PBX3: variants seen among roughly 807,000 people sequenced by gnomAD.
The protein encoded by PBX3 is PBX homeobox 3, also known as pre-B-cell leukemia transcription factor 3.
Under a neutral mutation model 48.5 loss-of-function variants are expected in PBX3, and 14 were observed. The observed-to-expected ratio is 0.29, with a 90% confidence interval of 0.19 to 0.45. PBX3 has a LOEUF of 0.45. Ranked by LOEUF, PBX3 falls within the 20% of genes least tolerant of loss-of-function variation. The probability of loss-of-function intolerance (pLI) is 1.00; values close to 1 mark genes in which losing one functional copy is unlikely to be tolerated. For synonymous variants in PBX3, 210 were observed against 200.3 expected, an observed-to-expected ratio of 1.05 and a Z score of -0.41; for missense variants, 386 against 546.7, an observed-to-expected ratio of 0.71 and a Z score of 2.93.
chr9:125,931,052 G>T (rs927909915), intron 4 of PBX3, among the ~76,000 whole-genome samples: 1 of 152,066 alleles, frequency 6.6e-6, no homozygotes, highest in South Asian at 2.1e-4. Context: ...AAGGATGAAG[G>T]ATAAAAGTTA....
chr9:125,845,861 GAAAT>G (rs762639545), intron 2 of PBX3, among the ~76,000 whole-genome samples: 1 of 151,964 alleles, frequency 6.6e-6, no homozygotes. Flanking sequence ...GACAAATGTT[GAAAT>G]AAATAAATTT....
intron 2 of PBX3, among the ~76,000 whole-genome samples, chr9:125,866,650 A>T (rs1313844747): frequency 6.6e-6 from 1 of 152,190 alleles, no homozygotes; most frequent in African/African-American, 2.4e-5. Context: ...AGGTTTACAG[A>T]TTCATGGTTT....
intron 2 of PBX3, among the ~76,000 whole-genome samples, chr9:125,873,147 T>G (rs894519318): frequency 2.6e-5 from 4 of 152,050 alleles, no homozygotes; most frequent in Non-Finnish European, 5.9e-5. Context: ...ATTGCGCCAC[T>G]GCACTCCAGC....
chr9:125,836,098 T>G (rs1839125509), intron 2 of PBX3, among the ~76,000 whole-genome samples: 1 of 152,162 alleles, frequency 6.6e-6, no homozygotes, highest in African/African-American at 2.4e-5. Flanking sequence ...GTGAATTAAG[T>G]GAGGCACAGA....
intron 2 of PBX3, among the ~76,000 whole-genome samples, chr9:125,825,133 A>T (rs1838770793): frequency 6.6e-6 from 1 of 152,132 alleles, no homozygotes; most frequent in South Asian, 2.1e-4. Context: ...GAAATACAAT[A>T]ATTGGCTGGG....
At chr9:125,864,022 A>G (rs958854959) in intron 2 of PBX3, among the ~76,000 whole-genome samples, 6 of 152,338 alleles carry the variant, frequency 3.9e-5, no homozygotes, top group East Asian at 1.9e-4. Context: ...AGTGTGTTCC[A>G]TGGAACAATT....
chr9:125,880,518 A>G (rs1030752333), intron 2 of PBX3, among the ~76,000 whole-genome samples: 1 of 152,230 alleles, frequency 6.6e-6, no homozygotes, highest in Admixed American at 6.5e-5. Context: ...TGCAAATAGC[A>G]GTGTCTCCAG....
At chr9:125,821,359 C>G (rs1034467582) in intron 2 of PBX3, among the ~76,000 whole-genome samples, 9 of 152,076 alleles carry the variant, frequency 5.9e-5, no homozygotes, top group Middle Eastern at 3.4e-3. Flanking sequence ...GTATAAATTT[C>G]AATTACATTT....
rs150392420 is a variant in PBX3, at chr9:125,915,540, A to G, written c.275-146A>G. ...TTTTCATACTTATTCAAACTTACCG[A>G]TCAAATGTGAACAATGAAGTTCTCA... On this transcript the variant is annotated intron_variant, in intron 2 of 8. Transcript: ENST00000373489. The G allele has an allele frequency of 2.0e-4, 128 of 629,726 alleles. No homozygotes were observed. In the East Asian group the frequency reaches 2.4e-3, roughly 12 times the overall value. 39.0% of individuals were successfully genotyped at this position (629,726 alleles called of 1,614,324 possible). A position where few individuals can be genotyped will look rare whatever the true frequency, so the allele number is the denominator to read the frequency against.
intron 5 of PBX3, among the ~76,000 whole-genome samples, chr9:125,943,340 G>C (rs1224720543): frequency 1.1e-5 from 1 of 94,218 alleles, no homozygotes; most frequent in Non-Finnish European, 1.9e-5. Context: ...GGGCTGCAGA[G>C]TGAGACTGTC....
chr9:125,894,769 CT>C (rs1477858825), intron 2 of PBX3, among the ~76,000 whole-genome samples: 2 of 152,006 alleles, frequency 1.3e-5, no homozygotes, highest in Non-Finnish European at 2.9e-5. Context: ...TTATAGTGTG[CT>C]GCTGAAAATA....
chr9:125,869,493 A>C (rs1840065211), intron 2 of PBX3, among the ~76,000 whole-genome samples: 4 of 152,234 alleles, frequency 2.6e-5, no homozygotes, highest in African/African-American at 9.6e-5. Context: ...CAGAACCCAA[A>C]AGATTAAAGA....
intron 2 of PBX3, among the ~76,000 whole-genome samples, chr9:125,859,036 CA>C (rs1839796667): frequency 6.6e-6 from 1 of 152,146 alleles, no homozygotes. Context: ...TGCCCATAGA[CA>C]AGTCTAAGGC....
chr9:125,916,416 G>A (rs772890082), intron 3 of PBX3, among the ~76,000 whole-genome samples: 6 of 152,046 alleles, frequency 3.9e-5, no homozygotes, highest in Non-Finnish European at 2.9e-5. Flanking sequence ...AGCAGGTTCC[G>A]GCCTGTTTCT....
At chr9:125,810,671 A>G (rs773921099) in intron 2 of PBX3, among the ~76,000 whole-genome samples, 3 of 152,142 alleles carry the variant, frequency 2.0e-5, no homozygotes, top group Non-Finnish European at 4.4e-5. Flanking sequence ...TTGATTCTAT[A>G]TCCCTTGCTA....
chr9:125,870,891 G>C (rs1332530310), intron 2 of PBX3, among the ~76,000 whole-genome samples: 2 of 152,120 alleles, frequency 1.3e-5, no homozygotes, highest in Non-Finnish European at 2.9e-5. Flanking sequence ...TTTGCTGAGG[G>C]TGTGGAGCAA....
rs992689724 is a variant in PBX3 at position 125,815,039 on chromosome 9, C to T, written c.274+66416C>T. 2.0e-5 allele frequency among the ~76,000 whole-genome samples: 3 copies of T among 152,194 alleles called. No homozygotes were observed. In the South Asian group the frequency reaches 6.2e-4, roughly 32 times the overall value. Reference sequence around the variant, plus strand: ...TTATTTCTCAGTTCCATTTCTTTTTCCTTACTTGTATGCTTAGGAAGATAA... The same window carrying T: ...TTATTTCTCAGTTCCATTTCTTTTTTCTTACTTGTATGCTTAGGAAGATAA... On this transcript the variant is annotated intron_variant, in intron 2 of 8. Transcript: ENST00000373489.
intron 3 of PBX3, among the ~76,000 whole-genome samples, chr9:125,922,732 G>A (rs1428623848): frequency 1.3e-5 from 2 of 152,126 alleles, no homozygotes; most frequent in African/African-American, 4.8e-5. Flanking sequence ...GTGTTTATAT[G>A]TTTAAAAAAT....
At chr9:125,840,923 T>G (rs1839272213) in intron 2 of PBX3, among the ~76,000 whole-genome samples, 2 of 152,116 alleles carry the variant, frequency 1.3e-5, no homozygotes, top group Non-Finnish European at 2.9e-5. Flanking sequence ...GTCGTTCAGT[T>G]TGTTACTTTT....
Sources: allele counts gnomAD v4.1 joint callset (sites outside exome capture counted in the v4.1 genomes callset), GRCh38; gene constraint gnomAD v4.1.1; transcripts MANE v1.5; gene names NCBI Gene and HGNC (gene_info 2026-07-23, HGNC 2026-07-21).